Variants in AGAP1 observed in about 807,000 individuals in gnomAD.
AGAP1 encodes the protein arf-GAP with GTPase, ANK repeat and PH domain-containing protein 1.
A neutral mutation model predicts 105.3 loss-of-function variants in AGAP1; 29 were observed. That is an observed-to-expected ratio of 0.28 (90% CI 0.21 to 0.38). AGAP1 has a LOEUF of 0.38. AGAP1 is among the 10% of genes least tolerant of loss of function. The probability of loss-of-function intolerance (pLI) is 1.00; values close to 1 mark genes in which losing one functional copy is unlikely to be tolerated. For synonymous variants in AGAP1, 509 were observed against 485.9 expected, an observed-to-expected ratio of 1.05 and a Z score of -0.63; for missense variants, 998 against 1,165.1, an observed-to-expected ratio of 0.86 and a Z score of 2.09.
At chr2:235,844,323 A>T (rs531543875) in intron 9 of AGAP1, among the ~76,000 whole-genome samples, 1 of 152,148 alleles carries the variant, frequency 6.6e-6, no homozygotes, top group East Asian at 1.9e-4. Context: ...GTGAACAGGG[A>T]GGGCAGCTCC....
intron 12 of AGAP1, among the ~76,000 whole-genome samples, chr2:235,935,779 A>G (rs1019871119): frequency 3.5e-4 from 53 of 152,300 alleles, no homozygotes; most frequent in African/African-American, 1.2e-3. Flanking sequence ...TTTCCTCCAT[A>G]GGTAATTTCC....
intron 6 of AGAP1, among the ~76,000 whole-genome samples, chr2:235,783,052 C>G (rs963846): frequency 0.79 from 109,169 of 138,922 alleles, 39,731 homozygotes; most frequent in South Asian, 0.88. Context: ...GTGTGTGTGT[C>G]TAGGTTGCAG....
intron 6 of AGAP1, among the ~76,000 whole-genome samples, chr2:235,759,403 T>G (rs1428045090): frequency 6.7e-6 from 1 of 148,664 alleles, no homozygotes; most frequent in African/African-American, 2.5e-5. Context: ...TCTCCTGACC[T>G]CGTGATCCGC....
Position 235,578,865 on chromosome 2 carries a change from G to A in AGAP1, c.163+84016G>A, listed in dbSNP as rs1254025550. On this transcript the variant is annotated intron_variant, in intron 1 of 17. Transcript: ENST00000304032. This position sits in a 1 kb window ranked among gnomAD's most constrained non-coding sequence, Gnocchi z 4.9. The stretch of plus-strand genomic sequence containing the variant: ...TATAGCCCAATAGTTTTTCACTGTT[G>A]AGGGTCAAAATTTTACCTTTGTCTA... Among the ~76,000 whole-genome samples, 1 of 150,824 alleles carries A rather than the reference G, an allele frequency of 6.6e-6. No individual in the cohort carries two copies. Among genetic ancestry groups the A allele is most frequent in the Non-Finnish European group, 1.5e-5 (1 of 67,828 alleles).
At chr2:235,780,316 T>C (rs1483751132) in intron 6 of AGAP1, among the ~76,000 whole-genome samples, 1 of 152,188 alleles carries the variant, frequency 6.6e-6, no homozygotes, top group Admixed American at 6.5e-5. Flanking sequence ...AAAATATATA[T>C]ATATGTATTT....
At chr2:235,512,128 C>G (rs1038283130) in intron 1 of AGAP1, among the ~76,000 whole-genome samples, 3 of 150,576 alleles carry the variant, frequency 2.0e-5, no homozygotes, top group Non-Finnish European at 3.0e-5. Context: ...TGGTGATGGT[C>G]ATTGTCCACA....
intron 6 of AGAP1, among the ~76,000 whole-genome samples, chr2:235,786,537 A>G (rs1465220257): frequency 6.6e-6 from 1 of 152,206 alleles, no homozygotes; most frequent in Admixed American, 6.5e-5. Flanking sequence ...ATAATTAATA[A>G]TGAATTATAG....
In AGAP1 at chr2:235,549,482, C is replaced by CAGGA. The variant is rs751882099; in HGVS notation, c.163+54635_163+54636insGAAG. Among the ~76,000 whole-genome samples the CAGGA allele has an allele frequency of 2.6e-5, 4 of 152,160 alleles. No homozygotes were observed. The highest frequency in any genetic ancestry group is 4.4e-5 in the Non-Finnish European group (3 of 68,036). ...TCAGCCAGCATGAGACCCTCGCTTC[C>CAGGA]AGCCTGTGCCTTTAGCCCAGCCTTG... On this transcript the variant is annotated intron_variant, in intron 1 of 17. Coordinates refer to ENST00000304032, the MANE Select transcript of AGAP1 (RefSeq NM_001037131.3). This position sits in a 1 kb window ranked among gnomAD's most constrained non-coding sequence, Gnocchi z 4.2.
chr2:235,627,532 G>A (rs1559298775), intron 1 of AGAP1, among the ~76,000 whole-genome samples: 1 of 152,078 alleles, frequency 6.6e-6, no homozygotes, highest in African/African-American at 2.4e-5. Flanking sequence ...GCTATTTTGA[G>A]TTCTTTATGT....
intron 16 of AGAP1, among the ~76,000 whole-genome samples, chr2:236,060,549 G>C (rs142751849): frequency 1.3e-5 from 2 of 151,988 alleles, no homozygotes; most frequent in African/African-American, 4.8e-5. Flanking sequence ...CATTAGCCAG[G>C]TATGGTGACG....
rs1950106136 is a variant in AGAP1 at position 235,698,521 on chromosome 2, TTC to T, written c.164-10657_164-10656del. ...TGTACCTTTTCATAAAATATCCCTA[TTC>T]AACATTTTCACTTTCAAGGACTCAG... On this transcript the variant is annotated intron_variant, in intron 1 of 17. Coordinates refer to ENST00000304032, the MANE Select transcript of AGAP1 (RefSeq NM_001037131.3). 5.3e-5 allele frequency among the ~76,000 whole-genome samples: 8 copies of T among 152,380 alleles called. No homozygotes were observed. In the South Asian group the frequency reaches 1.7e-3, roughly 32 times the overall value.
chr2:235,859,814 A>G (rs937833767), intron 9 of AGAP1, among the ~76,000 whole-genome samples: 2 of 152,188 alleles, frequency 1.3e-5, no homozygotes, highest in African/African-American at 4.8e-5. Flanking sequence ...AGGCTCTGAA[A>G]TGCCTCCGCC....
intron 1 of AGAP1, among the ~76,000 whole-genome samples, chr2:235,686,071 C>T (rs1949365948): frequency 6.6e-6 from 1 of 152,134 alleles, no homozygotes; most frequent in Non-Finnish European, 1.5e-5. Flanking sequence ...TTGTCCTGAG[C>T]ATTTTCCAGC....
At chr2:235,928,698 A>G (rs2125140746) in intron 11 of AGAP1, among the ~76,000 whole-genome samples, 1 of 152,272 alleles carries the variant, frequency 6.6e-6, no homozygotes, top group Non-Finnish European at 1.5e-5. Context: ...CTCCTCAGGG[A>G]TGCTGCCTTC....
At position 235,555,086 on chromosome 2, in the gene AGAP1, T is replaced by G. The variant is rs1943931267; in HGVS notation, c.163+60237T>G. 6.6e-6 allele frequency among the ~76,000 whole-genome samples: 1 copy of G among 152,116 alleles called. No individual in the cohort carries two copies. The highest frequency in any genetic ancestry group is 2.4e-5 in the African/African-American group (1 of 41,432). On this transcript the variant is annotated intron_variant, in intron 1 of 17. Transcript: ENST00000304032. This position sits in a 1 kb window ranked among gnomAD's most constrained non-coding sequence, Gnocchi z 5.1. Reference sequence around the variant, plus strand: ...TCAGCATCGTGGGGTGGGGCTGGGATGAGGAGAGCGCGGCCGCCAGGGTCA... The same window carrying G: ...TCAGCATCGTGGGGTGGGGCTGGGAGGAGGAGAGCGCGGCCGCCAGGGTCA...
At chr2:236,049,403 C>CTATGCCG in intron 16 of AGAP1, 122 bp downstream of exon 16, 1 of 843,902 alleles carries the variant, frequency 1.2e-6, no homozygotes, top group South Asian at 1.8e-5. Context: ...TCGGGAATTC[C>CTATGCCG]GATTCATCCG....
At position 236,087,647 on chromosome 2, in the gene AGAP1, C is replaced by T. The variant is rs560439421; in HGVS notation, c.2115-32545C>T. On this transcript the variant is annotated intron_variant, in intron 16 of 17. Transcript: ENST00000304032. The surrounding 1 kb of genome is among the most constrained non-coding windows in gnomAD (Gnocchi z 5.7). ...AACATGATCACCTGGTGTTTTAAAG[C>T]TTTTCTCTGTTTCCATGTGGTGCCG... is the stretch of plus-strand genomic sequence containing the variant. 7.2e-5 allele frequency among the ~76,000 whole-genome samples: 11 copies of T among 152,214 alleles called. No individual in the cohort carries two copies. The South Asian group carries it at 1.7e-3, about 23-fold the overall frequency.
rs1943885995 is a variant in AGAP1 at position 235,553,723 on chromosome 2, A to G, written c.163+58874A>G. ...GGAGCCAACTGCCAGAGTCTCAAGC[A>G]GGTGAGGGTGGGGTGCAGGAGAGGA... On this transcript the variant is annotated intron_variant, in intron 1 of 17. Transcript: ENST00000304032. This position sits in a 1 kb window ranked among gnomAD's most constrained non-coding sequence, Gnocchi z 4.5. Among the ~76,000 whole-genome samples, 1 of 152,006 alleles carries G rather than the reference A, an allele frequency of 6.6e-6. No individual in the cohort carries two copies. Among genetic ancestry groups the G allele is most frequent in the South Asian group, 2.1e-4 (1 of 4,816 alleles).
intron 9 of AGAP1, among the ~76,000 whole-genome samples, chr2:235,860,434 A>G (rs2048882966): frequency 6.6e-6 from 1 of 152,068 alleles, no homozygotes; most frequent in Non-Finnish European, 1.5e-5. Flanking sequence ...GCAGCTTTCT[A>G]GTCACCACTG....
Sources: gnomAD v4.1 joint callset for allele counts (sites outside exome capture counted in the v4.1 genomes callset) on GRCh38, gnomAD v4.1.1 for gene constraint, Gnocchi (gnomAD v3.1) non-coding constraint, MANE v1.5 for transcripts, NCBI Gene and HGNC (gene_info 2026-07-23, HGNC 2026-07-21) for gene names.